The following NF1 variants were observed in gnomAD, a reference collection of about 807,000 sequenced individuals.
The protein encoded by NF1 is neurofibromin.
Under a neutral mutation model 325.7 loss-of-function variants are expected in NF1, and 122 were observed. That is an observed-to-expected ratio of 0.37 (90% CI 0.32 to 0.44). The LOEUF (loss-of-function observed/expected upper bound fraction) is 0.44, where lower values mean the gene tolerates loss of function less well. Among genes scored for constraint, NF1 ranks in the 20% least tolerant of loss-of-function variants. The pLI is 1.00. For synonymous variants in NF1, 1,091 were observed against 1,186.0 expected, an observed-to-expected ratio of 0.92 and a Z score of 1.65; for missense variants, 2,140 against 3,415.4, an observed-to-expected ratio of 0.63 and a Z score of 9.31.
rs59745739 is a variant in NF1 at position 31,236,057 on chromosome 17, GTTTTTTT to G, written c.3974+43_3974+49del. ...TTTTCACATAGAACCGCTGTTTTTTGTTTTTTTTTTTTTGTTTGTTTGTTTTACTAAC... is the reference window on the plus strand; with the variant it reads ...TTTTCACATAGAACCGCTGTTTTTTGTTTTTTGTTTGTTTGTTTTACTAAC... On this transcript the variant is annotated intron_variant, in intron 29 of 57. Transcript: ENST00000358273. 7 of 1,145,000 alleles carry G rather than the reference GTTTTTTT, an allele frequency of 6.1e-6. No individual in the cohort carries two copies. In the East Asian group the frequency reaches 1.4e-4, roughly 23 times the overall value. The allele number at this position is 1,145,000 out of a possible 1,614,324, so 70.9% of individuals were successfully genotyped here.
chr17:31,249,828 C>G, intron 30 of NF1: 1 of 380,254 alleles, frequency 2.6e-6, no homozygotes, highest in Non-Finnish European at 5.2e-6. Flanking sequence ...CCTGCAAATG[C>G]ATATTAGCCT....
chr17:31,135,699 TG>T (rs1363012929), intron 1 of NF1, among the ~76,000 whole-genome samples: 2 of 152,172 alleles, frequency 1.3e-5, no homozygotes, highest in Non-Finnish European at 2.9e-5. Context: ...CCTAAGTAGC[TG>T]GAACTATAGG....
intron 12 of NF1, among the ~76,000 whole-genome samples, chr17:31,213,188 A>ATTTC (rs1294350069): frequency 1.3e-5 from 2 of 152,212 alleles, no homozygotes; most frequent in South Asian, 2.1e-4. Flanking sequence ...TACAGTTGAA[A>ATTTC]GAGAGCAAAC....
intron 36 of NF1, chr17:31,318,226 A>G (rs1312901354): frequency 3.3e-6 from 5 of 1,515,210 alleles, no homozygotes; most frequent in South Asian, 1.3e-5. Flanking sequence ...AATCAGAACA[A>G]CACTTTGGGA....
Position 31,377,116 on chromosome 17 carries a change from T to A in NF1, c.*2961T>A, listed in dbSNP as rs1471569358. ...CGACTCCCAGGCATAATGAGGCATG[T>A]CTTACTCAATGTTATGCAATGGATT... On this transcript the variant is annotated 3_prime_UTR_variant, in exon 58 of 58. Transcript: ENST00000358273. The A allele has an allele frequency of 4.3e-6, 1 of 233,554 alleles. No individual in the cohort carries two copies. The highest frequency in any genetic ancestry group is 8.5e-6 in the Non-Finnish European group (1 of 118,042). The allele number at this position is 233,554 out of a possible 1,614,324, so 14.5% of individuals were successfully genotyped here.
At position 31,265,335 on chromosome 17, in the gene NF1, C is replaced by T. The variant is rs1060500316; in HGVS notation, c.4831C>T (p.Arg1611Trp). The T allele has an allele frequency of 3.7e-6, 6 of 1,605,748 alleles. No homozygotes were observed. Among genetic ancestry groups the T allele is most frequent in the East Asian group, 2.2e-5 (1 of 44,704 alleles). ...AGNPIFYYVA[R>W]RFKTGQINGD... ...GAATCCTATTTTTTATTATGTTGCA[C>T]GGAGGTAAGAAATACTATGTTTTGG... Residue 1611 changes from arginine (R) to tryptophan (W), a missense_variant, in exon 36 of 58, where the codon CGG (arginine) becomes TGG (tryptophan). Coordinates refer to ENST00000358273, the MANE Select transcript of NF1 (RefSeq NM_001042492.3).
chr17:31,352,554 A>G, intron 51 of NF1, 140 bp downstream of exon 51: 1 of 695,648 alleles, frequency 1.4e-6, no homozygotes, highest in Non-Finnish European at 2.3e-6. Flanking sequence ...CATTTAAAAG[A>G]GAGTTTGATA....
intron 1 of NF1, among the ~76,000 whole-genome samples, chr17:31,102,362 A>T (rs79716081): frequency 7.8e-6 from 1 of 128,140 alleles, no homozygotes; most frequent in Admixed American, 7.9e-5. Flanking sequence ...TATTATTATT[A>T]TTTTTTGTGT....
intron 8 of NF1, among the ~76,000 whole-genome samples, chr17:31,191,361 G>A (rs1567830959): frequency 1.3e-5 from 2 of 152,122 alleles, no homozygotes; most frequent in East Asian, 1.9e-4. Context: ...TTATAATAGC[G>A]CAAATTTGAA....
chr17:31,184,267 A>T (rs993899438), intron 8 of NF1, among the ~76,000 whole-genome samples: 1 of 152,326 alleles, frequency 6.6e-6, no homozygotes, highest in African/African-American at 2.4e-5. Context: ...GTGACCCTAT[A>T]CATAATAATA....
rs1256292297 is a variant in NF1, at chr17:31,230,736, TTATC to T, written c.3114-104_3114-101del. 4.5e-6 allele frequency: 4 copies of T among 893,714 alleles called. No individual in the cohort carries two copies. In the African/African-American group the frequency reaches 6.6e-5, roughly 15 times the overall value. 55.4% of individuals were successfully genotyped at this position (893,714 alleles called of 1,614,324 possible). A position where few individuals can be genotyped will look rare whatever the true frequency, so the allele number is the denominator to read the frequency against. On this transcript the variant is annotated intron_variant, in intron 23 of 57. Transcript: ENST00000358273. ...TTATAAAGTCGTCATGTCACTTAGGTTATCTGGCAAATTATTTGCACTATAAGAA... is the reference window on the plus strand; with the variant it reads ...TTATAAAGTCGTCATGTCACTTAGGTTGGCAAATTATTTGCACTATAAGAA...
At chr17:31,240,885 T>G (rs2151442738) in intron 29 of NF1, among the ~76,000 whole-genome samples, 1 of 152,278 alleles carries the variant, frequency 6.6e-6, no homozygotes, top group African/African-American at 2.4e-5. Context: ...GTTTGTGTGT[T>G]TGTTTGTTTT....
intron 57 of NF1, among the ~76,000 whole-genome samples, chr17:31,364,598 G>A (rs1475834324): frequency 6.6e-6 from 1 of 152,172 alleles, no homozygotes; most frequent in Non-Finnish European, 1.5e-5. Context: ...AGGAGAAGTG[G>A]TAGTCACTTA....
intron 1 of NF1, chr17:31,136,777 C>T (rs1022422877): frequency 9.4e-6 from 1 of 106,180 alleles, no homozygotes; most frequent in African/African-American, 2.5e-5. Context: ...TTGTCGATCT[C>T]TTACTGTGTC....
At chr17:31,278,288 A>C (rs1455189591) in intron 36 of NF1, 1 of 152,102 alleles carries the variant, frequency 6.6e-6, no homozygotes, top group Admixed American at 6.5e-5. Flanking sequence ...GAGAATGATC[A>C]TAAATTTCAT....
At position 31,156,219 on chromosome 17, in the gene NF1, G is replaced by C. The variant is rs2143629328; in HGVS notation, c.204+93G>C. On this transcript the variant is annotated intron_variant, in intron 2 of 57. Transcript: ENST00000358273. ...CAGCATATTTTGAAGTATGGAAAGT[G>C]ATTTTCTGTGGACTTTGGATATAAC... The C allele has an allele frequency of 2.8e-6, 4 of 1,421,506 alleles. No homozygotes were observed. In the Admixed American group the frequency reaches 5.1e-5, roughly 18 times the overall value. 88.1% of individuals were successfully genotyped at this position (1,421,506 alleles called of 1,614,324 possible).
intron 1 of NF1, among the ~76,000 whole-genome samples, chr17:31,119,835 C>T (rs1012419670): frequency 6.6e-6 from 1 of 152,070 alleles, no homozygotes; most frequent in South Asian, 2.1e-4. Flanking sequence ...TATGGCTAGC[C>T]AGTTTTGCCA....
At chr17:31,141,867 C>T (rs766197730) in intron 1 of NF1, among the ~76,000 whole-genome samples, 2 of 152,078 alleles carry the variant, frequency 1.3e-5, no homozygotes, top group African/African-American at 2.4e-5. Flanking sequence ...TGGGCTTCTT[C>T]CTGGTTTATG....
intron 57 of NF1, among the ~76,000 whole-genome samples, chr17:31,364,105 C>T (rs2070461469): frequency 6.6e-6 from 1 of 152,146 alleles, no homozygotes; most frequent in African/African-American, 2.4e-5. Context: ...TGTCCAGATT[C>T]CTAACTCAGT....
Sources: allele counts gnomAD v4.1 joint callset (sites outside exome capture counted in the v4.1 genomes callset), GRCh38; gene constraint gnomAD v4.1.1; transcripts MANE v1.5; gene names NCBI Gene and HGNC (gene_info 2026-07-23, HGNC 2026-07-21).